AOPEP: variants seen among roughly 807,000 people sequenced by gnomAD.
The protein encoded by AOPEP is aminopeptidase O (putative).
AOPEP carries 77 observed loss-of-function variants against 98.1 expected under a neutral mutation model. The observed-to-expected ratio is 0.78, with a 90% CI of 0.65 to 0.95. The LOEUF (loss-of-function observed/expected upper bound fraction) is 0.95, where lower values mean the gene tolerates loss of function less well. Among genes scored for constraint, AOPEP ranks in the 40% least tolerant of loss-of-function variants. The pLI is 0.00. For synonymous variants in AOPEP, 346 were observed against 365.3 expected, an observed-to-expected ratio of 0.95 and a Z score of 0.60; for missense variants, 1,024 against 1,024.7, an observed-to-expected ratio of 1.00 and a Z score of 0.01.
At chr9:95,145,145 G>C in the AOPEP span, 2 of 152,042 alleles carry the variant, frequency 1.3e-5, no homozygotes, top group African/African-American at 4.8e-5. Flanking sequence ...ATTTTTAAGA[G>C]TTATAGATTT....
At chr9:94,937,176 C>T (rs183651529) in intron 7 of AOPEP, among the ~76,000 whole-genome samples, 303 of 152,332 alleles carry the variant, frequency 2.0e-3, no homozygotes, top group Non-Finnish European at 3.5e-3. Context: ...GTGACCAGCT[C>T]CTCCTGAAGC....
chr9:95,064,228 G>A (rs2067629275), intron 14 of AOPEP, among the ~76,000 whole-genome samples: 1 of 152,250 alleles, frequency 6.6e-6, no homozygotes, highest in African/African-American at 2.4e-5. Flanking sequence ...GGCCTGTCCC[G>A]TAGCACGGGC....
At chr9:94,743,184 AGAAGAAGAAGAAGAAGAG>A (rs1480023190) in intron 1 of AOPEP, among the ~76,000 whole-genome samples, 30 of 66,844 alleles carry the variant, frequency 4.5e-4, no homozygotes, top group East Asian at 2.2e-3. Flanking sequence ...AAGAAGAAGA[AGAAGAAGAAGAAGAAGAG>A]GAAGAAGAGG....
At chr9:95,105,676 G>A in the AOPEP span, among the ~76,000 whole-genome samples, 1 of 152,138 alleles carries the variant, frequency 6.6e-6, no homozygotes, top group Non-Finnish European at 1.5e-5. Context: ...GGAAACTCTA[G>A]CACTTCCTCT....
chr9:94,989,977 G>A (rs573198240), intron 11 of AOPEP, among the ~76,000 whole-genome samples: 4 of 152,208 alleles, frequency 2.6e-5, no homozygotes, highest in African/African-American at 9.6e-5. Flanking sequence ...CATTGCGCTG[G>A]GTGGTTTGCA....
At position 95,026,618 on chromosome 9, in the gene AOPEP, C is replaced by T. The variant is rs547701043; in HGVS notation, c.2115+21002C>T. ...AGTTGATGCACATTTGGGTTATTTCCAGTTTAGGGCTGTAGTAATGCTGCA... is the reference window on the plus strand; with the variant it reads ...AGTTGATGCACATTTGGGTTATTTCTAGTTTAGGGCTGTAGTAATGCTGCA... On this transcript the variant is annotated intron_variant, in intron 13 of 16. Transcript: ENST00000375315. Among the ~76,000 whole-genome samples, 98 of 152,250 alleles carry T rather than the reference C, an allele frequency of 6.4e-4. 1 individual carries two copies. The highest frequency in any genetic ancestry group is 1.2e-3 in the Non-Finnish European group (83 of 68,022).
chr9:94,744,607 A>G (rs1834013427), intron 1 of AOPEP, among the ~76,000 whole-genome samples: 2 of 150,218 alleles, frequency 1.3e-5, no homozygotes, highest in African/African-American at 2.5e-5. Context: ...AGGCTGAGGC[A>G]GGAGAATCAC....
At chr9:95,083,626 T>G (rs7874388) in intron 16 of AOPEP, among the ~76,000 whole-genome samples, 101,360 of 148,876 alleles carry the variant, frequency 0.68, 34,553 homozygotes, top group Non-Finnish European at 0.73. Flanking sequence ...GCACACTGCA[T>G]GCAGCACACA....
intron 5 of AOPEP, among the ~76,000 whole-genome samples, chr9:94,892,916 CA>C (rs1191039231): frequency 6.6e-6 from 1 of 152,170 alleles, no homozygotes; most frequent in African/African-American, 2.4e-5. Flanking sequence ...TTGTCTTGAA[CA>C]CCTGACCTCA....
intron 6 of AOPEP, among the ~76,000 whole-genome samples, chr9:94,926,130 TC>T (rs2054284499): frequency 6.6e-6 from 1 of 152,302 alleles, no homozygotes. Context: ...TCATGGAACC[TC>T]CAGTTTTTAT....
At chr9:94,912,654 G>C (rs1233492658) in intron 5 of AOPEP, among the ~76,000 whole-genome samples, 2 of 152,228 alleles carry the variant, frequency 1.3e-5, no homozygotes, top group Non-Finnish European at 2.9e-5. Flanking sequence ...TTAACAGCTA[G>C]CAGAGACTAA....
intron 13 of AOPEP, among the ~76,000 whole-genome samples, chr9:95,050,316 C>A (rs1587800707): frequency 1.3e-5 from 2 of 152,288 alleles, no homozygotes; most frequent in East Asian, 1.9e-4. Flanking sequence ...GAAATTAAAT[C>A]CATTTTATTT....
At chr9:95,080,487 G>A (rs550088545) in intron 14 of AOPEP, among the ~76,000 whole-genome samples, 1 of 152,316 alleles carries the variant, frequency 6.6e-6, no homozygotes, top group African/African-American at 2.4e-5. Flanking sequence ...CTGCACTCCA[G>A]CCTGGGTGAC....
At chr9:94,835,669 A>G (rs1036802428) in intron 5 of AOPEP, among the ~76,000 whole-genome samples, 1 of 152,226 alleles carries the variant, frequency 6.6e-6, no homozygotes, top group African/African-American at 2.4e-5. Context: ...AAACCAGACC[A>G]GAGCAAAGAC....
chr9:95,111,632 C>T, the AOPEP span: 5 of 1,614,150 alleles, frequency 3.1e-6, no homozygotes, highest in Non-Finnish European at 4.2e-6. Flanking sequence ...GGGACCTCCG[C>T]AGGACCTGGA....
the AOPEP span, chr9:95,101,630 C>T: frequency 2.2e-4 from 344 of 1,584,522 alleles, no homozygotes; most frequent in African/African-American, 3.0e-3. Context: ...AAATGCGTGG[C>T]CACAGGTCAT....
rs376388632 is a variant in AOPEP, at chr9:94,796,224, C to T, written c.1118+3306C>T. Among the ~76,000 whole-genome samples the T allele has an allele frequency of 1.2e-4, 18 of 152,276 alleles. 1 individual carries two copies. The highest frequency in any genetic ancestry group is 4.3e-4 in the African/African-American group (18 of 41,500). On this transcript the variant is annotated intron_variant, in intron 4 of 16. Coordinates refer to ENST00000375315, the MANE Select transcript of AOPEP (RefSeq NM_001193329.3). ...CTGTGAGGACTGGTGAATGGGGTTC[C>T]TCCCATGCCCCCTTCCATGTCCAAT... is the stretch of plus-strand genomic sequence containing the variant.
chr9:94,886,560 G>A (rs113252866), intron 5 of AOPEP, among the ~76,000 whole-genome samples: 28 of 151,790 alleles, frequency 1.8e-4, no homozygotes, highest in African/African-American at 6.3e-4. Flanking sequence ...CAAATTTTTT[G>A]CAACAAACAT....
chr9:95,043,863 GC>G (rs886327534), intron 13 of AOPEP, among the ~76,000 whole-genome samples: 8 of 152,082 alleles, frequency 5.3e-5, no homozygotes, highest in Non-Finnish European at 8.8e-5. Flanking sequence ...CAGAGTTTTG[GC>G]CCAGTCTGAT....
Sources: allele counts gnomAD v4.1 joint callset (sites outside exome capture counted in the v4.1 genomes callset), GRCh38; gene constraint gnomAD v4.1.1; transcripts MANE v1.5; gene names NCBI Gene and HGNC (gene_info 2026-07-23, HGNC 2026-07-21).